The following TAFA1 variants were observed in gnomAD, a reference collection of about 807,000 sequenced individuals.
TAFA1 encodes TAFA chemokine like family member 1.
Under a neutral mutation model 18.5 loss-of-function variants are expected in TAFA1, and 4 were observed. The ratio of observed to expected loss-of-function variants is 0.22; its 90% CI spans 0.11 to 0.49. The LOEUF is 0.49. TAFA1 is among the 20% of genes least tolerant of loss of function. TAFA1 has a pLI of 0.98. For missense variants in TAFA1, 147 were observed against 169.0 expected, an observed-to-expected ratio of 0.87 and a Z score of 0.72; for synonymous variants, 56 against 55.2, an observed-to-expected ratio of 1.01 and a Z score of -0.06.
intron 2 of TAFA1, among the ~76,000 whole-genome samples, chr3:68,330,165 A>T (rs1050365803): frequency 6.6e-6 from 1 of 152,172 alleles, no homozygotes; most frequent in Non-Finnish European, 1.5e-5. Flanking sequence ...TGGTCAAAAG[A>T]AGCTACAGGT....
intron 2 of TAFA1, among the ~76,000 whole-genome samples, chr3:68,193,774 G>A (rs1426284366): frequency 1.3e-5 from 2 of 151,598 alleles, no homozygotes; most frequent in Non-Finnish European, 3.0e-5. Context: ...GGTCTCTTCT[G>A]TATCTATCAT....
At chr3:68,524,282 A>G (rs903068064) in intron 3 of TAFA1, among the ~76,000 whole-genome samples, 8 of 152,080 alleles carry the variant, frequency 5.3e-5, no homozygotes, top group East Asian at 1.9e-4. Flanking sequence ...GTAAGCCCCA[A>G]TACAAGCACC....
At chr3:68,467,702 G>A (rs1031221894) in intron 3 of TAFA1, among the ~76,000 whole-genome samples, 1 of 152,212 alleles carries the variant, frequency 6.6e-6, no homozygotes, top group Non-Finnish European at 1.5e-5. Context: ...AGGCAGACCA[G>A]GTTCCTCAGA....
intron 2 of TAFA1, among the ~76,000 whole-genome samples, chr3:68,107,712 C>A (rs1262132580): frequency 1.3e-5 from 2 of 152,072 alleles, no homozygotes; most frequent in African/African-American, 2.4e-5. Context: ...GCTTAGAATT[C>A]TCCCTCTCAA....
chr3:68,427,176 A>C (rs2071073150), intron 3 of TAFA1, among the ~76,000 whole-genome samples: 2 of 151,864 alleles, frequency 1.3e-5, no homozygotes, highest in Admixed American at 1.3e-4. Context: ...GTAGCCCCCA[A>C]GTCATTGGTT....
intron 3 of TAFA1, among the ~76,000 whole-genome samples, chr3:68,507,309 G>A (rs1228483055): frequency 1.3e-5 from 2 of 152,058 alleles, no homozygotes; most frequent in African/African-American, 2.4e-5. Context: ...GGAGAACCAT[G>A]ATGAGACAGG....
intron 2 of TAFA1, among the ~76,000 whole-genome samples, chr3:68,174,047 A>C (rs781265546): frequency 6.6e-6 from 1 of 152,242 alleles, no homozygotes; most frequent in Non-Finnish European, 1.5e-5. Flanking sequence ...TTTATTCCAA[A>C]TAAACAATGA....
intron 2 of TAFA1, among the ~76,000 whole-genome samples, chr3:68,062,094 CA>C (rs1384647572): frequency 6.6e-6 from 1 of 152,124 alleles, no homozygotes; most frequent in Non-Finnish European, 1.5e-5. Flanking sequence ...TTCTAACAGC[CA>C]AAACCTCTTA....
the TAFA1 span, among the ~76,000 whole-genome samples, chr3:67,999,095 G>C: frequency 6.6e-6 from 1 of 152,184 alleles, no homozygotes; most frequent in African/African-American, 2.4e-5. Context: ...CTATCAACCA[G>C]ATGTGGCTAT....
At chr3:68,519,950 G>C (rs9863094) in intron 3 of TAFA1, among the ~76,000 whole-genome samples, 121,510 of 152,108 alleles carry the variant, frequency 0.8, 48,615 homozygotes, top group East Asian at 0.89. Context: ...GAATGTTGTT[G>C]AAGAAGAGTT....
At chr3:68,034,324 G>A (rs549018542) in intron 2 of TAFA1, among the ~76,000 whole-genome samples, 130 of 152,226 alleles carry the variant, frequency 8.5e-4, no homozygotes, top group Middle Eastern at 3.4e-3. Flanking sequence ...TCTGTGCCAG[G>A]CACTACTCTA....
intron 2 of TAFA1, among the ~76,000 whole-genome samples, chr3:68,276,514 T>TA (rs149882035): frequency 0.017 from 2,614 of 152,280 alleles, 86 homozygotes; most frequent in East Asian, 0.13. Context: ...TTGATTTGTG[T>TA]GCAAAGTTTT....
At chr3:68,109,353 T>C (rs1199555312) in intron 2 of TAFA1, among the ~76,000 whole-genome samples, 1 of 152,164 alleles carries the variant, frequency 6.6e-6, no homozygotes, top group Non-Finnish European at 1.5e-5. Context: ...TTGTGCGACA[T>C]ACTTTCATGT....
intron 2 of TAFA1, among the ~76,000 whole-genome samples, chr3:68,082,856 C>T (rs2106779799): frequency 1.3e-5 from 2 of 152,246 alleles, no homozygotes; most frequent in Middle Eastern, 6.8e-3. Context: ...AGCTTCGGAG[C>T]TATCGAGTCC....
chr3:68,422,279 C>T (rs147491987), intron 3 of TAFA1, among the ~76,000 whole-genome samples: 16 of 152,218 alleles, frequency 1.1e-4, no homozygotes, highest in African/African-American at 3.6e-4. Flanking sequence ...ATTTAACTAT[C>T]CTCTCCACTT....
At chr3:68,488,274 G>T (rs1447737806) in intron 3 of TAFA1, among the ~76,000 whole-genome samples, 1 of 152,186 alleles carries the variant, frequency 6.6e-6, no homozygotes, top group Non-Finnish European at 1.5e-5. Context: ...CATGCAGCAT[G>T]GGAGAAAGAC....
chr3:68,219,207 G>C (rs2066700525), intron 2 of TAFA1, among the ~76,000 whole-genome samples: 1 of 151,982 alleles, frequency 6.6e-6, no homozygotes, highest in South Asian at 2.1e-4. Flanking sequence ...TTGACAGTGA[G>C]AAATGCATTT....
chr3:68,070,384 C>T (rs968021438), intron 2 of TAFA1, among the ~76,000 whole-genome samples: 1 of 152,194 alleles, frequency 6.6e-6, no homozygotes, highest in Non-Finnish European at 1.5e-5. Flanking sequence ...TTGCAGGGCA[C>T]CAAATCCCTA....
intron 3 of TAFA1, among the ~76,000 whole-genome samples, chr3:68,536,485 C>T (rs886791443): frequency 1.3e-5 from 2 of 152,072 alleles, no homozygotes; most frequent in Admixed American, 6.6e-5. Context: ...GTTCTCGTCC[C>T]GTGTAAAAAC....
Sources: gnomAD v4.1 joint callset for allele counts (sites outside exome capture counted in the v4.1 genomes callset) on GRCh38, gnomAD v4.1.1 for gene constraint, MANE v1.5 for transcripts, NCBI Gene and HGNC (gene_info 2026-07-23, HGNC 2026-07-21) for gene names.